Variants in NDE1 observed in about 807,000 individuals in gnomAD.
NDE1 encodes nudE neurodevelopment protein 1.
Under a neutral mutation model 43.4 loss-of-function variants are expected in NDE1, and 28 were observed. That is an observed-to-expected ratio of 0.65 (90% CI 0.48 to 0.89). The LOEUF is 0.89. NDE1 is among the 40% of genes least tolerant of loss of function. The probability of loss-of-function intolerance (pLI) is 0.00; values close to 1 mark genes in which losing one functional copy is unlikely to be tolerated. For missense variants in NDE1, 441 were observed against 434.1 expected, an observed-to-expected ratio of 1.02 and a Z score of -0.14; for synonymous variants, 184 against 172.0, an observed-to-expected ratio of 1.07 and a Z score of -0.55.
At chr16:15,721,495 A>T in intron 8 of NDE1, 1 of 1,614,142 alleles carries the variant, frequency 6.2e-7, no homozygotes, top group Non-Finnish European at 8.5e-7. Flanking sequence ...GGTCCGCTCG[A>T]GTTCCTCTTT....
intron 8 of NDE1, chr16:15,718,420 C>G (rs2040285641): frequency 6.3e-7 from 1 of 1,579,328 alleles, no homozygotes. Flanking sequence ...GGCGGCGCTT[C>G]TCGTCCTGGA....
intron 3 of NDE1, among the ~76,000 whole-genome samples, chr16:15,675,147 A>G (rs915277272): frequency 2.0e-5 from 3 of 152,080 alleles, no homozygotes; most frequent in Non-Finnish European, 4.4e-5. Flanking sequence ...GGTGGGAGGC[A>G]CTTAGGACAT....
At chr16:15,690,337 CTTT>C (rs67220509) in intron 5 of NDE1, among the ~76,000 whole-genome samples, 1 of 74,108 alleles carries the variant, frequency 1.3e-5, no homozygotes, top group African/African-American at 4.7e-5. Context: ...TGCAACTGGC[CTTT>C]TTTTTTTTTT....
chr16:15,717,930 G>A (rs888550068), intron 8 of NDE1: 13 of 343,414 alleles, frequency 3.8e-5, no homozygotes, highest in Non-Finnish European at 6.1e-5. Context: ...GCAGGTTACT[G>A]GATGGTCCCT....
At chr16:15,689,687 C>G (rs2038630159) in intron 5 of NDE1, among the ~76,000 whole-genome samples, 1 of 152,144 alleles carries the variant, frequency 6.6e-6, no homozygotes, top group Admixed American at 6.6e-5. Flanking sequence ...CGCCTGTATT[C>G]CCAGCACTTT....
At chr16:15,654,148 G>C (rs1242744024) in intron 1 of NDE1, among the ~76,000 whole-genome samples, 3 of 152,174 alleles carry the variant, frequency 2.0e-5, no homozygotes, top group Admixed American at 6.6e-5. Flanking sequence ...TGTCTACAGA[G>C]CTGCTGGGGC....
chr16:15,685,322 A>G (rs1223471794), intron 4 of NDE1, among the ~76,000 whole-genome samples: 1 of 151,610 alleles, frequency 6.6e-6, no homozygotes, highest in Non-Finnish European at 1.5e-5. Flanking sequence ...TGGCATAGTC[A>G]TGGCTTACTG....
rs200884440 is a variant in NDE1, at chr16:15,708,831, G to C, written c.947+11971G>C. On this transcript the variant is annotated intron_variant, in intron 8 of 8. Coordinates refer to ENST00000396354, the MANE Select transcript of NDE1 (RefSeq NM_017668.3). ...GTGCATCACTGCGAAGTTTCCTGTG[G>C]GGGGGGCCCTCTGAAACAGAGAGAG... 3.9e-5 allele frequency: 62 copies of C among 1,610,136 alleles called. 1 individual carries two copies. The Admixed American group carries it at 8.1e-4, about 21-fold the overall frequency.
At chr16:15,700,237 CA>C in intron 8 of NDE1, 1 of 391,866 alleles carries the variant, frequency 2.6e-6, no homozygotes, top group Non-Finnish European at 3.5e-6. Flanking sequence ...GCTGGGATTA[CA>C]GGCACCCACC....
chr16:15,644,104 G>A (rs905194350), intron 1 of NDE1, among the ~76,000 whole-genome samples: 1 of 152,146 alleles, frequency 6.6e-6, no homozygotes, highest in Non-Finnish European at 1.5e-5. Flanking sequence ...TGCAAATTAG[G>A]AAAAAAGCAA....
chr16:15,677,786 T>A lies in NDE1; in HGVS notation c.238-15T>A, dbSNP rs776294600. On this transcript the variant is annotated splice_polypyrimidine_tract_variant and intron_variant, in intron 3 of 8. Coordinates refer to ENST00000396354, the MANE Select transcript of NDE1 (RefSeq NM_017668.3). Reference sequence around the variant, plus strand: ...AGTCTTAAGTCATTCACTCAGTGTCTGTGTTGTCCTTCAGGAGAAGTTTGA... The same window carrying A: ...AGTCTTAAGTCATTCACTCAGTGTCAGTGTTGTCCTTCAGGAGAAGTTTGA... The A allele has an allele frequency of 6.2e-7, 1 of 1,614,016 alleles. No individual in the cohort carries two copies. The highest frequency in any genetic ancestry group is 2.2e-5 in the East Asian group (1 of 44,872).
At chr16:15,702,005 A>C (rs2151156100) in intron 8 of NDE1, 1 of 152,322 alleles carries the variant, frequency 6.6e-6, no homozygotes, top group South Asian at 2.1e-4. Context: ...TTTTTTAACC[A>C]AGTTAAAAAA....
At chr16:15,679,710 T>C (rs183079397) in intron 4 of NDE1, among the ~76,000 whole-genome samples, 1 of 152,172 alleles carries the variant, frequency 6.6e-6, no homozygotes, top group Non-Finnish European at 1.5e-5. Context: ...TCAATAACTT[T>C]GGGGTTGTAT....
chr16:15,656,217 C>T (rs897829840), intron 1 of NDE1, among the ~76,000 whole-genome samples: 1 of 152,224 alleles, frequency 6.6e-6, no homozygotes, highest in African/African-American at 2.4e-5. Flanking sequence ...CTTCCAGCAT[C>T]TCTCTTCCCT....
At chr16:15,647,256 T>A (rs2036349097), upstream of NDE1, among the ~76,000 whole-genome samples, 1 of 152,192 alleles carries the variant, frequency 6.6e-6, no homozygotes, top group African/African-American at 2.4e-5. Context: ...TGAGAAAGGC[T>A]GTTGTAGGAT....
intron 5 of NDE1, among the ~76,000 whole-genome samples, chr16:15,688,288 C>T (rs965349332): frequency 6.6e-6 from 1 of 152,096 alleles, no homozygotes. Context: ...GAAACCTCAT[C>T]AGCATTTGCT....
At chr16:15,708,697 G>T in intron 8 of NDE1, 1 of 1,225,806 alleles carries the variant, frequency 8.2e-7, no homozygotes, top group Non-Finnish European at 1.2e-6. Context: ...AGAATCTCGT[G>T]GAAATGTGCA....
intron 8 of NDE1, among the ~76,000 whole-genome samples, chr16:15,706,007 C>CAAAAAAAAAAAAAAA (rs1555547379): frequency 4.5e-5 from 3 of 66,244 alleles, no homozygotes; most frequent in African/African-American, 2.4e-4. Context: ...AAAAAAAAAT[C>CAAAAAAAAAAAAAAA]AAGGCCCAGA....
At chr16:15,664,075 T>C (rs2151433774) in intron 1 of NDE1, among the ~76,000 whole-genome samples, 1 of 151,986 alleles carries the variant, frequency 6.6e-6, no homozygotes, top group Admixed American at 6.6e-5. Flanking sequence ...TCTCAAATAA[T>C]AATTATAATT....
Sources: gnomAD v4.1 joint callset for allele counts (sites outside exome capture counted in the v4.1 genomes callset) on GRCh38, gnomAD v4.1.1 for gene constraint, MANE v1.5 for transcripts, NCBI Gene and HGNC (gene_info 2026-07-23, HGNC 2026-07-21) for gene names.